The following NRG1 variants were observed in gnomAD, a reference collection of about 807,000 sequenced individuals.
The protein encoded by NRG1 is pro-neuregulin-1, membrane-bound isoform.
Under a neutral mutation model 63.8 loss-of-function variants are expected in NRG1, and 18 were observed. The observed-to-expected ratio is 0.28, with a 90% CI of 0.19 to 0.42. The LOEUF (loss-of-function observed/expected upper bound fraction) is 0.42. NRG1 is among the 10% of genes least tolerant of loss of function. The probability of loss-of-function intolerance (pLI) is 1.00; values close to 1 mark genes in which losing one functional copy is unlikely to be tolerated. For missense variants in NRG1, 762 were observed against 814.7 expected (o/e 0.94, Z 0.79); for synonymous variants, 302 against 301.3 (o/e 1.00, Z -0.02).
At chr8:32,727,864 C>T in intron 5 of NRG1, 85 bp from the exon 6 acceptor site, 2 of 1,374,044 alleles carry the variant, frequency 1.5e-6, no homozygotes, top group East Asian at 2.3e-5. Context: ...ATGAACTCTT[C>T]CTTTTAGGAT....
chr8:32,131,006 T>C (rs73232223), intron 1 of NRG1, among the ~76,000 whole-genome samples: 1 of 152,054 alleles, frequency 6.6e-6, no homozygotes, highest in Non-Finnish European at 1.5e-5. Context: ...CATACCACCA[T>C]ATGGCAAAAG....
chr8:32,543,240 C>G (rs142339998), intron 1 of NRG1, among the ~76,000 whole-genome samples: 1 of 152,054 alleles, frequency 6.6e-6, no homozygotes, highest in Non-Finnish European at 1.5e-5. Context: ...AAATTATATA[C>G]CCAGATACAT....
intron 6 of NRG1, chr8:32,728,742 A>G: frequency 4.9e-6 from 4 of 811,512 alleles, no homozygotes; most frequent in Non-Finnish European, 6.0e-6. Flanking sequence ...CTTTCCAATG[A>G]CCTGAAGGAG....
At chr8:31,670,285 C>A (rs1004467240) in intron 1 of NRG1, among the ~76,000 whole-genome samples, 1 of 152,080 alleles carries the variant, frequency 6.6e-6, no homozygotes, top group African/African-American at 2.4e-5. Flanking sequence ...TGTTCTAGTT[C>A]CTTTGCTTTT....
intron 1 of NRG1, among the ~76,000 whole-genome samples, chr8:32,048,856 T>C (rs959248505): frequency 6.6e-6 from 1 of 151,988 alleles, no homozygotes; most frequent in African/African-American, 2.4e-5. Context: ...TTATATATTT[T>C]GGATATGAAC....
intron 1 of NRG1, among the ~76,000 whole-genome samples, chr8:32,247,790 A>G (rs1243640610): frequency 6.6e-6 from 1 of 152,128 alleles, no homozygotes; most frequent in African/African-American, 2.4e-5. Flanking sequence ...AACTCAATAC[A>G]CAATATAGGA....
intron 1 of NRG1, among the ~76,000 whole-genome samples, chr8:31,724,545 T>C (rs1813237586): frequency 6.6e-6 from 1 of 152,182 alleles, no homozygotes; most frequent in African/African-American, 2.4e-5. Context: ...TAAAATACTC[T>C]GAAGTGCCTG....
chr8:31,748,934 G>A (rs1005831011), intron 1 of NRG1, among the ~76,000 whole-genome samples: 5 of 151,804 alleles, frequency 3.3e-5, no homozygotes, highest in Non-Finnish European at 5.9e-5. Context: ...AAAATATACT[G>A]AAATGCAAAG....
chr8:32,621,502 ACAATT>A (rs1213517600), intron 5 of NRG1, among the ~76,000 whole-genome samples: 9 of 152,358 alleles, frequency 5.9e-5, no homozygotes, highest in Non-Finnish European at 1.2e-4. Context: ...CATTTTGCAG[ACAATT>A]CTGTTGAATA....
At chr8:32,557,497 G>A (rs1835416769) in intron 1 of NRG1, among the ~76,000 whole-genome samples, 1 of 152,160 alleles carries the variant, frequency 6.6e-6, no homozygotes, top group African/African-American at 2.4e-5. Flanking sequence ...ACAAAAGAGA[G>A]GGGTCTGTCT....
chr8:32,256,200 T>C (rs970107717), intron 1 of NRG1, among the ~76,000 whole-genome samples: 1 of 152,148 alleles, frequency 6.6e-6, no homozygotes, highest in East Asian at 1.9e-4. Context: ...TTCATCAAAC[T>C]CATTCTCCAT....
intron 1 of NRG1, among the ~76,000 whole-genome samples, chr8:31,649,635 TA>T (rs1426858690): frequency 6.6e-6 from 1 of 152,174 alleles, no homozygotes; most frequent in Non-Finnish European, 1.5e-5. Flanking sequence ...AACAATGATT[TA>T]AAGAGTAAGC....
chr8:32,761,474 C>A (rs1190111158), intron 11 of NRG1, among the ~76,000 whole-genome samples: 1 of 151,986 alleles, frequency 6.6e-6, no homozygotes, highest in Admixed American at 6.6e-5. Flanking sequence ...TTTGCAAGGG[C>A]CTTTCCTTCA....
chr8:31,787,723 C>G (rs1820312747), intron 1 of NRG1, among the ~76,000 whole-genome samples: 2 of 152,102 alleles, frequency 1.3e-5, no homozygotes, highest in East Asian at 1.9e-4. Flanking sequence ...GGCAAATATA[C>G]TAATGTTATA....
At chr8:32,210,765 G>A (rs556022001) in intron 1 of NRG1, among the ~76,000 whole-genome samples, 6 of 152,316 alleles carry the variant, frequency 3.9e-5, no homozygotes, top group African/African-American at 7.2e-5. Context: ...TTATAAGACC[G>A]TGTGTGCAGA....
chr8:31,938,049 A>G (rs903947419), intron 1 of NRG1, among the ~76,000 whole-genome samples: 1 of 152,136 alleles, frequency 6.6e-6, no homozygotes, highest in Non-Finnish European at 1.5e-5. Context: ...CAACCTGTCT[A>G]TAGGACCACA....
chr8:31,755,668 T>C (rs1027246046), intron 1 of NRG1, among the ~76,000 whole-genome samples: 13 of 152,086 alleles, frequency 8.5e-5, no homozygotes, highest in African/African-American at 2.7e-4. Flanking sequence ...CCTGACTATA[T>C]ATTTGAAAAG....
chr8:31,856,614 G>A (rs1259506385), intron 1 of NRG1, among the ~76,000 whole-genome samples: 2 of 152,156 alleles, frequency 1.3e-5, no homozygotes, highest in Non-Finnish European at 2.9e-5. Flanking sequence ...CTCTCCGCTC[G>A]TCAAAGTCAT....
At chr8:32,005,241 A>G (rs1231760511) in intron 1 of NRG1, among the ~76,000 whole-genome samples, 1 of 151,856 alleles carries the variant, frequency 6.6e-6, no homozygotes, top group Non-Finnish European at 1.5e-5. Context: ...AGGGGAAGGA[A>G]GTGGTGGGAC....
Sources: gnomAD v4.1 joint callset for allele counts (sites outside exome capture counted in the v4.1 genomes callset) on GRCh38, gnomAD v4.1.1 for gene constraint, MANE v1.5 for transcripts, NCBI Gene and HGNC (gene_info 2026-07-23, HGNC 2026-07-21) for gene names.